Variants in AHRR observed in about 807,000 individuals in gnomAD.
AHRR encodes aryl hydrocarbon receptor repressor, also known as ahR repressor.
AHRR carries 28 observed loss-of-function variants against 44.0 expected under a neutral mutation model. That is an observed-to-expected ratio of 0.64 (90% CI 0.47 to 0.87). The LOEUF (loss-of-function observed/expected upper bound fraction) is 0.87, where lower values mean the gene tolerates loss of function less well. Ranked by LOEUF, AHRR falls within the 40% of genes least tolerant of loss-of-function variation. The pLI, the probability that AHRR is intolerant of heterozygous loss-of-function variation, is 0.00. For missense variants in AHRR, 990 were observed against 953.9 expected (o/e 1.04, Z -0.50); for synonymous variants, 434 against 407.0 (o/e 1.07, Z -0.80).
Position 353,853 on chromosome 5 carries a change from C to T in AHRR, c.186C>T (p.Asp62=). 3.7e-6 allele frequency: 6 copies of T among 1,614,174 alleles called. No individual in the cohort carries two copies. Among genetic ancestry groups the T allele is most frequent in the Non-Finnish European group, 5.1e-6 (6 of 1,180,020 alleles). The part of the protein sequence containing the change: ...PFPPDIISKL[D]KLSVLRLSVS... Reference sequence around the variant, plus strand: ...CGCCTGACATCATCTCCAAGCTGGACAAGCTTTCTGTCCTGCGCCTCAGTG... The same window carrying T: ...CGCCTGACATCATCTCCAAGCTGGATAAGCTTTCTGTCCTGCGCCTCAGTG... The change falls in exon 3 of 11, where the codon GAC becomes GAT. Residue 62 remains aspartate (D), a synonymous_variant. Transcript: ENST00000684583.
At chr5:416,124 G>T (rs535385372) in intron 5 of AHRR, among the ~76,000 whole-genome samples, 1 of 152,238 alleles carries the variant, frequency 6.6e-6, no homozygotes, top group African/African-American at 2.4e-5. Context: ...TCGTCAGCAC[G>T]CCTGGGCTGG....
At chr5:328,332 A>T (rs529591532) in intron 1 of AHRR, among the ~76,000 whole-genome samples, 1 of 131,210 alleles carries the variant, frequency 7.6e-6, no homozygotes, top group African/African-American at 2.9e-5. Context: ...CAGTGGTGCA[A>T]TCTCAGCTCA....
chr5:346,114 A>G (rs1417521591), intron 2 of AHRR, among the ~76,000 whole-genome samples: 4 of 152,202 alleles, frequency 2.6e-5, no homozygotes, highest in African/African-American at 9.6e-5. Context: ...AAGAAACAGC[A>G]CAGCCCTGCG....
At chr5:345,334 GGA>G (rs1491178918) in intron 2 of AHRR, among the ~76,000 whole-genome samples, 6 of 29,772 alleles carry the variant, frequency 2.0e-4, no homozygotes, top group African/African-American at 5.0e-4. Context: ...GTGTGTGTGG[GGA>G]TGTGTGTGTG....
chr5:416,648 A>T (rs1020308627), intron 5 of AHRR, among the ~76,000 whole-genome samples: 1 of 152,118 alleles, frequency 6.6e-6, no homozygotes, highest in Non-Finnish European at 1.5e-5. Flanking sequence ...CTCAGATCCC[A>T]TGGAGCTGCC....
At chr5:428,792 C>T (rs1339777517) in intron 8 of AHRR, among the ~76,000 whole-genome samples, 1 of 152,162 alleles carries the variant, frequency 6.6e-6, no homozygotes. Context: ...TGATGGGAGA[C>T]AGTGACAGAT....
chr5:323,233 G>A (rs1171799189), intron 1 of AHRR, among the ~76,000 whole-genome samples: 1 of 152,270 alleles, frequency 6.6e-6, no homozygotes, highest in African/African-American at 2.4e-5. Flanking sequence ...GGGGACAGCT[G>A]AGTCTTGCCT....
rs547054764 is a variant in AHRR, at chr5:429,369, C to T, written c.908+1363C>T. Among the ~76,000 whole-genome samples, 25 of 152,348 alleles carry T rather than the reference C, an allele frequency of 1.6e-4. 1 individual carries two copies. In the South Asian group the frequency reaches 4.6e-3, roughly 28 times the overall value. ...GAGATCCAACTTCCTCTCAGAGAAT[C>T]GTGCAGGACCCCTTCCCCGGCCACC... On this transcript the variant is annotated intron_variant, in intron 8 of 10. Transcript: ENST00000684583.
chr5:399,800 G>A (rs1024116097), intron 4 of AHRR, among the ~76,000 whole-genome samples: 2 of 152,210 alleles, frequency 1.3e-5, no homozygotes, highest in South Asian at 2.1e-4. Context: ...CTAGGGCCCC[G>A]GGGCTTCAGT....
intron 5 of AHRR, among the ~76,000 whole-genome samples, chr5:414,348 G>T (rs554968066): frequency 6.6e-6 from 1 of 152,222 alleles, no homozygotes; most frequent in African/African-American, 2.4e-5. Context: ...GGAGGAGCTG[G>T]GGTCCCTCAT....
chr5:415,666 A>AGTCTCCCTGGTCGGGTGGG (rs1560916417), intron 5 of AHRR, among the ~76,000 whole-genome samples: 3 of 135,316 alleles, frequency 2.2e-5, no homozygotes, highest in Admixed American at 7.2e-5. Flanking sequence ...CTAGGGGCCG[A>AGTCTCCCTGGTCGGGTGGG]ATCTGCCTGG....
At chr5:421,532 A>T (rs10068732) in intron 5 of AHRR, among the ~76,000 whole-genome samples, 52,605 of 152,084 alleles carry the variant, frequency 0.35, 9,598 homozygotes, top group Non-Finnish European at 0.41. Context: ...GATTGGGCGC[A>T]TTTTGGCCTA....
chr5:426,951 AGAT>A (rs915316884), intron 7 of AHRR, among the ~76,000 whole-genome samples: 3 of 131,450 alleles, frequency 2.3e-5, no homozygotes, highest in African/African-American at 8.7e-5. Flanking sequence ...ATGGATGGGA[AGAT>A]GATGGATGGA....
intron 3 of AHRR, among the ~76,000 whole-genome samples, chr5:371,037 G>C (rs2126428549): frequency 6.6e-6 from 1 of 152,310 alleles, no homozygotes; most frequent in East Asian, 1.9e-4. Flanking sequence ...GGAGAGCCGA[G>C]GTGTAGTTCA....
rs1252093884 is a variant in AHRR, at chr5:404,340, T to A, written c.352-9004T>A. ...TGTTACTAAAAGCTGTTTCACTCTT[T>A]TTTTTTTCTTTTTTCCTTCATTCTG... is the stretch of plus-strand genomic sequence containing the variant. On this transcript the variant is annotated intron_variant, in intron 4 of 10. Transcript: ENST00000684583. This position sits in a 1 kb window ranked among gnomAD's most constrained non-coding sequence, Gnocchi z 4.1. The A allele has an allele frequency of 8.2e-6, 4 of 488,782 alleles. No individual in the cohort carries two copies. In the East Asian group the frequency reaches 2.1e-4, roughly 25 times the overall value. 30.3% of individuals were successfully genotyped at this position (488,782 alleles called of 1,614,324 possible). A position where few individuals can be genotyped will look rare whatever the true frequency, so the allele number is the denominator to read the frequency against.
rs537457338 is a variant in AHRR, at chr5:403,279, C to T, written c.352-10065C>T. Among the ~76,000 whole-genome samples the T allele has an allele frequency of 2.7e-4, 41 of 152,178 alleles. 1 individual carries two copies. The highest frequency in any genetic ancestry group is 6.2e-4 in the South Asian group (3 of 4,820). ...AGGGTGGGAATGTTCTGAAGATGGA[C>T]GGTCATGATGGTTGCACAACAATGT... On this transcript the variant is annotated intron_variant, in intron 4 of 10. Transcript: ENST00000684583.
In AHRR at chr5:419,120, G is replaced by C. The variant is rs191266951; in HGVS notation, c.442-3609G>C. ...TCTATTGGGAAATAAGTCTTTGCCTGTGGTCGTTGGGGCTGAGGGCAAGAA... is the reference window on the plus strand; with the variant it reads ...TCTATTGGGAAATAAGTCTTTGCCTCTGGTCGTTGGGGCTGAGGGCAAGAA... On this transcript the variant is annotated intron_variant, in intron 5 of 10. Transcript: ENST00000684583. The surrounding 1 kb of genome is among the most constrained non-coding windows in gnomAD (Gnocchi z 4.4). 1 of 152,326 alleles carries C rather than the reference G, an allele frequency of 6.6e-6. No homozygotes were observed. Among genetic ancestry groups the C allele is most frequent in the African/African-American group, 2.4e-5 (1 of 41,508 alleles). 9.4% of individuals were successfully genotyped at this position (152,326 alleles called of 1,614,324 possible). A position where few individuals can be genotyped will look rare whatever the true frequency, so the allele number is the denominator to read the frequency against.
intron 6 of AHRR, among the ~76,000 whole-genome samples, chr5:423,271 G>A (rs531485630): frequency 3.9e-4 from 60 of 152,282 alleles, no homozygotes; most frequent in African/African-American, 1.4e-3. Flanking sequence ...ATTCAGAGTT[G>A]GTTGCCCCTT....
chr5:345,032 CTA>C (rs1266954026), intron 2 of AHRR, among the ~76,000 whole-genome samples: 5 of 78,798 alleles, frequency 6.3e-5, no homozygotes, highest in Non-Finnish European at 8.5e-5. Context: ...GCGAGGGGGA[CTA>C]TGTGTGTCGG....
Sources: gnomAD v4.1 joint callset for allele counts (sites outside exome capture counted in the v4.1 genomes callset) on GRCh38, gnomAD v4.1.1 for gene constraint, Gnocchi (gnomAD v3.1) non-coding constraint, MANE v1.5 for transcripts, NCBI Gene and HGNC (gene_info 2026-07-23, HGNC 2026-07-21) for gene names.